XKR6: variants seen among roughly 807,000 people sequenced by gnomAD.
The protein encoded by XKR6 is XK related 6.
Under a neutral mutation model 56.7 loss-of-function variants are expected in XKR6, and 22 were observed. The observed-to-expected ratio is 0.39, with a 90% confidence interval of 0.28 to 0.55. XKR6 has a LOEUF of 0.55. Among genes scored for constraint, XKR6 ranks in the 20% least tolerant of loss-of-function variants. The pLI is 0.66. For synonymous variants in XKR6, 524 were observed against 387.8 expected (o/e 1.35, Z -4.13); for missense variants, 852 against 889.0 (o/e 0.96, Z 0.53).
chr8:11,124,233 C>A (rs1055909664), intron 1 of XKR6: 2 of 347,900 alleles, frequency 5.7e-6, no homozygotes, highest in Admixed American at 7.6e-5. Context: ...GCATATTCAT[C>A]TTACCAAAGA....
intron 2 of XKR6, among the ~76,000 whole-genome samples, chr8:10,914,622 T>C (rs1800502010): frequency 6.6e-6 from 1 of 152,222 alleles, no homozygotes; most frequent in Non-Finnish European, 1.5e-5. Flanking sequence ...TGCATGTTTC[T>C]GGGACCCAGA....
chr8:11,102,740 T>C (rs1195323724), intron 1 of XKR6, among the ~76,000 whole-genome samples: 1 of 152,118 alleles, frequency 6.6e-6, no homozygotes, highest in Non-Finnish European at 1.5e-5. Context: ...AGAGCTGACA[T>C]GGGAAGAGTT....
chr8:10,914,126 G>C (rs912323049), intron 2 of XKR6, among the ~76,000 whole-genome samples: 6 of 152,126 alleles, frequency 3.9e-5, no homozygotes, highest in African/African-American at 1.4e-4. Context: ...TGGGTCTATG[G>C]GTGTAAGCTT....
At chr8:11,057,699 A>G (rs7839902) in intron 1 of XKR6, among the ~76,000 whole-genome samples, 120,237 of 152,144 alleles carry the variant, frequency 0.79, 47,788 homozygotes, top group African/African-American at 0.88. Context: ...TGACGTCACC[A>G]TCTGTTCCTG....
intron 1 of XKR6, among the ~76,000 whole-genome samples, chr8:10,925,088 T>TA (rs1221920957): frequency 6.6e-6 from 1 of 152,080 alleles, no homozygotes; most frequent in Non-Finnish European, 1.5e-5. Context: ...CCTCCTGGTC[T>TA]CCCATTTGCT....
intron 1 of XKR6, among the ~76,000 whole-genome samples, chr8:11,016,276 G>T (rs571962227): frequency 2.6e-5 from 4 of 152,134 alleles, no homozygotes; most frequent in Non-Finnish European, 5.9e-5. Flanking sequence ...CCTCTGCCCC[G>T]CGCCCTGGAT....
At chr8:11,152,372 A>G (rs899829017) in intron 1 of XKR6, among the ~76,000 whole-genome samples, 2 of 152,186 alleles carry the variant, frequency 1.3e-5, no homozygotes, top group African/African-American at 4.8e-5. Context: ...ACGCCAGTCA[A>G]GGTTGAACGC....
Position 10,975,505 on chromosome 8 carries a change from G to A in XKR6, c.765-50675C>T, listed in dbSNP as rs561114985. ...CCACTGCGAGAGTTTCCATGCCCTC[G>A]CCCACCACCTGCCCTGGGCACACGG... On this transcript the variant is annotated intron_variant, in intron 1 of 2. Coordinates refer to ENST00000416569, the MANE Select transcript of XKR6 (RefSeq NM_173683.4). 4.6e-5 allele frequency among the ~76,000 whole-genome samples: 7 copies of A among 152,270 alleles called. No homozygotes were observed. In the South Asian group the frequency reaches 8.3e-4, roughly 18 times the overall value.
intron 1 of XKR6, among the ~76,000 whole-genome samples, chr8:11,028,965 T>A (rs1036042025): frequency 1.3e-5 from 2 of 152,126 alleles, no homozygotes; most frequent in African/African-American, 4.8e-5. Flanking sequence ...TGTCTCTCCA[T>A]CTTACTTAGC....
intron 1 of XKR6, among the ~76,000 whole-genome samples, chr8:11,115,565 A>G (rs562583185): frequency 2.0e-5 from 3 of 152,186 alleles, no homozygotes; most frequent in African/African-American, 7.2e-5. Context: ...TTATCGTTCA[A>G]TGTTTTGCAT....
intron 1 of XKR6, among the ~76,000 whole-genome samples, chr8:11,001,125 A>C (rs1386125559): frequency 6.6e-6 from 1 of 152,214 alleles, no homozygotes; most frequent in Non-Finnish European, 1.5e-5. Flanking sequence ...ACCAAATCCT[A>C]AAATTGGTTG....
chr8:10,919,407 G>C (rs754344418), intron 2 of XKR6, among the ~76,000 whole-genome samples: 5 of 152,144 alleles, frequency 3.3e-5, no homozygotes, highest in Non-Finnish European at 7.4e-5. Flanking sequence ...TTTTTGTGCT[G>C]TGTCCCCAGA....
intron 1 of XKR6, among the ~76,000 whole-genome samples, chr8:10,999,678 C>G (rs1259696472): frequency 6.6e-6 from 1 of 152,006 alleles, no homozygotes; most frequent in Non-Finnish European, 1.5e-5. Context: ...ACCAAGCTAC[C>G]AAAATAAAAG....
intron 2 of XKR6, among the ~76,000 whole-genome samples, chr8:10,907,335 G>T (rs137880451): frequency 1.1e-4 from 17 of 152,268 alleles, no homozygotes; most frequent in Non-Finnish European, 1.6e-4. Context: ...TTCTATGAAA[G>T]ATCTCTTTTT....
intron 1 of XKR6, among the ~76,000 whole-genome samples, chr8:11,089,351 T>G (rs2409694): frequency 0.49 from 75,127 of 152,130 alleles, 21,036 homozygotes; most frequent in African/African-American, 0.74. Context: ...AATGAAGTAG[T>G]CTGGGCCAGT....
At chr8:10,938,729 G>A (rs1801302380) in intron 1 of XKR6, among the ~76,000 whole-genome samples, 1 of 152,180 alleles carries the variant, frequency 6.6e-6, no homozygotes. Flanking sequence ...ATGGGAGAGT[G>A]TTCTGGGGTG....
chr8:11,087,205 A>G (rs1009315753), intron 1 of XKR6, among the ~76,000 whole-genome samples: 4 of 152,146 alleles, frequency 2.6e-5, no homozygotes, highest in African/African-American at 4.8e-5. Flanking sequence ...TGGTGTTGAA[A>G]TATCGCTAAG....
At chr8:10,908,059 C>T (rs1056791766) in intron 2 of XKR6, among the ~76,000 whole-genome samples, 8 of 152,194 alleles carry the variant, frequency 5.3e-5, no homozygotes, top group East Asian at 1.9e-4. Context: ...ACGCCTTTTG[C>T]GTGGGAGGAT....
intron 1 of XKR6, among the ~76,000 whole-genome samples, chr8:10,941,717 A>T (rs1240521848): frequency 6.6e-6 from 1 of 152,152 alleles, no homozygotes; most frequent in Non-Finnish European, 1.5e-5. Context: ...CTGGGGGCTC[A>T]TGGGTGCTGA....
Sources: allele counts gnomAD v4.1 joint callset (sites outside exome capture counted in the v4.1 genomes callset), GRCh38; gene constraint gnomAD v4.1.1; transcripts MANE v1.5; gene names NCBI Gene and HGNC (gene_info 2026-07-23, HGNC 2026-07-21).